Variants in TP63 observed in about 807,000 individuals in gnomAD.
The protein encoded by TP63 is tumor protein 63.
TP63 carries 17 observed loss-of-function variants against 82.8 expected under a neutral mutation model. The ratio of observed to expected loss-of-function variants is 0.21; its 90% CI spans 0.14 to 0.31. The LOEUF (loss-of-function observed/expected upper bound fraction) is 0.31. Among genes scored for constraint, TP63 ranks in the 10% least tolerant of loss-of-function variants. The probability of loss-of-function intolerance (pLI) is 1.00; values close to 1 mark genes in which losing one functional copy is unlikely to be tolerated. For missense variants in TP63, 648 were observed against 895.3 expected (o/e 0.72, Z 3.52); for synonymous variants, 330 against 321.7 (o/e 1.03, Z -0.28).
intron 1 of TP63, among the ~76,000 whole-genome samples, chr3:189,671,447 A>C (rs1350558517): frequency 1.3e-5 from 2 of 152,122 alleles, no homozygotes; most frequent in Non-Finnish European, 2.9e-5. Flanking sequence ...TTGGAAGATA[A>C]ATTAGTACAG....
intron 11 of TP63, 127 bp downstream of exon 11, chr3:189,886,678 G>A (rs1441733646): frequency 3.7e-6 from 5 of 1,366,408 alleles, no homozygotes; most frequent in Non-Finnish European, 5.0e-6. Flanking sequence ...GATCAAAGTG[G>A]AGTGGCTTGG....
At chr3:189,667,801 A>T (rs895250823) in intron 1 of TP63, among the ~76,000 whole-genome samples, 2 of 152,118 alleles carry the variant, frequency 1.3e-5, no homozygotes, top group African/African-American at 2.4e-5. Flanking sequence ...ACAGCAAGAG[A>T]CAGCAAATGT....
chr3:189,823,326 A>G (rs536442832), intron 4 of TP63, among the ~76,000 whole-genome samples: 1 of 152,344 alleles, frequency 6.6e-6, no homozygotes, highest in Admixed American at 6.5e-5. Flanking sequence ...TCGCATGGGC[A>G]GTGTGCTGAC....
At chr3:189,748,231 A>G (rs1190743442) in intron 3 of TP63, among the ~76,000 whole-genome samples, 1 of 152,042 alleles carries the variant, frequency 6.6e-6, no homozygotes, top group Non-Finnish European at 1.5e-5. Flanking sequence ...AAAGGCATGC[A>G]GACTGGAAAA....
chr3:189,838,112 A>G (rs1207429893), intron 4 of TP63, among the ~76,000 whole-genome samples: 2 of 152,152 alleles, frequency 1.3e-5, no homozygotes, highest in African/African-American at 4.8e-5. Context: ...GAGCTAAGCT[A>G]TGACACTTGT....
At position 189,752,523 on chromosome 3, in the gene TP63, A is replaced by G. The variant is rs1721897579; in HGVS notation, c.324+13749A>G. Reference sequence around the variant, plus strand: ...AGTGGAATCTGTAATGATATCTTCCACTTTCATTTATCATATTGTTAACTT... The same window carrying G: ...AGTGGAATCTGTAATGATATCTTCCGCTTTCATTTATCATATTGTTAACTT... On this transcript the variant is annotated intron_variant, in intron 3 of 13. Transcript: ENST00000264731. 2.6e-5 allele frequency among the ~76,000 whole-genome samples: 4 copies of G among 152,038 alleles called. No homozygotes were observed. The South Asian group carries it at 8.3e-4, about 32-fold the overall frequency.
chr3:189,884,318 G>A (rs1382321683), intron 10 of TP63, among the ~76,000 whole-genome samples: 1 of 152,194 alleles, frequency 6.6e-6, no homozygotes, highest in Non-Finnish European at 1.5e-5. Context: ...AGTAGCTGGA[G>A]TTACCTCCTT....
At chr3:189,824,625 G>A (rs905992197) in intron 4 of TP63, among the ~76,000 whole-genome samples, 6 of 152,148 alleles carry the variant, frequency 3.9e-5, no homozygotes, top group South Asian at 2.1e-4. Context: ...GCTGTCACAC[G>A]GCACTGCCCC....
intron 1 of TP63, among the ~76,000 whole-genome samples, chr3:189,698,407 C>G (rs2108734966): frequency 6.6e-6 from 1 of 152,140 alleles, no homozygotes; most frequent in South Asian, 2.1e-4. Flanking sequence ...TTATTTTTCT[C>G]AGTTTCTTCC....
chr3:189,736,806 C>T (rs1720628514), intron 1 of TP63, among the ~76,000 whole-genome samples: 1 of 152,024 alleles, frequency 6.6e-6, no homozygotes, highest in Non-Finnish European at 1.5e-5. Context: ...TGACTATCCT[C>T]ATACAGTATT....
chr3:189,835,750 T>C (rs1306854163), intron 4 of TP63, among the ~76,000 whole-genome samples: 1 of 151,742 alleles, frequency 6.6e-6, no homozygotes, highest in Non-Finnish European at 1.5e-5. Context: ...CCATCTCTAC[T>C]AAAAATACAA....
chr3:189,880,180 G>A, intron 10 of TP63: 2 of 1,611,426 alleles, frequency 1.2e-6, no homozygotes, highest in Non-Finnish European at 8.5e-7. Flanking sequence ...TACCCATAGA[G>A]CCCTATCTCT....
At chr3:189,852,434 G>C (rs116663916) in intron 4 of TP63, among the ~76,000 whole-genome samples, 238 of 152,312 alleles carry the variant, frequency 1.6e-3, no homozygotes, top group Middle Eastern at 3.4e-3. Context: ...ATAAACAACT[G>C]ATAGTATTTT....
intron 3 of TP63, among the ~76,000 whole-genome samples, chr3:189,800,682 C>T (rs995624356): frequency 6.6e-6 from 1 of 151,958 alleles, no homozygotes; most frequent in Non-Finnish European, 1.5e-5. Flanking sequence ...GTTACTTAAC[C>T]TTGTGGAGCT....
chr3:189,671,563 A>G (rs1215376131), intron 1 of TP63, among the ~76,000 whole-genome samples: 2 of 152,138 alleles, frequency 1.3e-5, no homozygotes, highest in African/African-American at 2.4e-5. Flanking sequence ...AAGAAAATAC[A>G]TATATTGAAG....
intron 1 of TP63, among the ~76,000 whole-genome samples, chr3:189,697,492 T>G (rs1041257087): frequency 1.3e-5 from 2 of 151,944 alleles, no homozygotes; most frequent in Non-Finnish European, 2.9e-5. Context: ...AATCCTCCAA[T>G]TTTTTTCTTT....
chr3:189,789,517 C>A, intron 3 of TP63: 3 of 351,848 alleles, frequency 8.5e-6, no homozygotes, highest in Non-Finnish European at 1.4e-5. Context: ...GGAATTCTAA[C>A]TACTTAATGA....
chr3:189,807,292 G>A (rs924052313), intron 3 of TP63, among the ~76,000 whole-genome samples: 1 of 152,214 alleles, frequency 6.6e-6, no homozygotes, highest in African/African-American at 2.4e-5. Flanking sequence ...AGCACCGAAA[G>A]CCCCAGTCAT....
intron 1 of TP63, among the ~76,000 whole-genome samples, chr3:189,693,438 T>G (rs979450807): frequency 2.0e-5 from 3 of 152,182 alleles, no homozygotes; most frequent in African/African-American, 2.4e-5. Context: ...AGCTTTTCTG[T>G]GTGAATTAAG....
Sources: gnomAD v4.1 joint callset for allele counts (sites outside exome capture counted in the v4.1 genomes callset) on GRCh38, gnomAD v4.1.1 for gene constraint, MANE v1.5 for transcripts, NCBI Gene and HGNC (gene_info 2026-07-23, HGNC 2026-07-21) for gene names.